Variants in PLEKHA7 observed in about 807,000 individuals in gnomAD.
The protein encoded by PLEKHA7 is pleckstrin homology domain-containing family A member 7.
A neutral mutation model predicts 170.0 loss-of-function variants in PLEKHA7; 104 were observed. The ratio of observed to expected loss-of-function variants is 0.61; its 90% confidence interval spans 0.52 to 0.72. The LOEUF is 0.72. Ranked by LOEUF, PLEKHA7 falls within the 30% of genes least tolerant of loss-of-function variation. The pLI is 0.00. For synonymous variants in PLEKHA7, 648 were observed against 660.8 expected, an observed-to-expected ratio of 0.98 and a Z score of 0.30; for missense variants, 1,615 against 1,671.7, an observed-to-expected ratio of 0.97 and a Z score of 0.59.
intron 3 of PLEKHA7, among the ~76,000 whole-genome samples, chr11:16,991,729 G>A (rs1864055513): frequency 6.6e-6 from 1 of 152,186 alleles, no homozygotes; most frequent in Non-Finnish European, 1.5e-5. Flanking sequence ...AGTCCACTTT[G>A]TATGTGAGAT....
At chr11:16,985,155 T>G (rs1863650311) in intron 3 of PLEKHA7, among the ~76,000 whole-genome samples, 1 of 152,208 alleles carries the variant, frequency 6.6e-6, no homozygotes, top group South Asian at 2.1e-4. Context: ...TCTGCCTCAT[T>G]CATCTAAGAA....
chr11:16,832,933 C>T lies in PLEKHA7; in HGVS notation c.873-6343G>A, dbSNP rs191539167. Among the ~76,000 whole-genome samples the T allele has an allele frequency of 3.3e-5, 5 of 152,202 alleles. No individual in the cohort carries two copies. In the East Asian group the frequency reaches 9.7e-4, roughly 29 times the overall value. On this transcript the variant is annotated intron_variant, in intron 9 of 26. Coordinates refer to ENST00000531066, the MANE Select transcript of PLEKHA7 (RefSeq NM_001329630.2). Reference sequence around the variant, plus strand: ...CTCAGGAATAGGGTGGGCTCAAAAGCCAGAACCCACTCTGGGCATAATCAA... The same window carrying T: ...CTCAGGAATAGGGTGGGCTCAAAAGTCAGAACCCACTCTGGGCATAATCAA...
chr11:16,956,952 G>T (rs1302218988), intron 3 of PLEKHA7, among the ~76,000 whole-genome samples: 1 of 152,182 alleles, frequency 6.6e-6, no homozygotes, highest in Admixed American at 6.5e-5. Flanking sequence ...CAAGGAAAGT[G>T]GTAGGTTTAA....
In PLEKHA7 at chr11:16,852,360, A is replaced by T; in HGVS notation, c.523-5T>A. 6.2e-7 allele frequency: 1 copy of T among 1,613,674 alleles called. No homozygotes were observed. The highest frequency in any genetic ancestry group is 8.5e-7 in the Non-Finnish European group (1 of 1,179,808). ...CAGCCTCATCCCAGAACTGTCCTGC[A>T]AAGCAAAGAAAACTAGTCAGGGTAA... On this transcript the variant is annotated splice_region_variant and splice_polypyrimidine_tract_variant and intron_variant, in intron 6 of 26. Transcript: ENST00000531066.
intron 19 of PLEKHA7, among the ~76,000 whole-genome samples, chr11:16,793,446 A>C (rs1229992237): frequency 1.3e-5 from 2 of 152,184 alleles, no homozygotes; most frequent in African/African-American, 4.8e-5. Flanking sequence ...TGGGCCCTGG[A>C]CTATGGCTGG....
chr11:16,889,420 A>AAAATAT (rs61086849), intron 3 of PLEKHA7, among the ~76,000 whole-genome samples: 6 of 74,660 alleles, frequency 8.0e-5, no homozygotes, highest in Non-Finnish European at 1.2e-4. Flanking sequence ...AAAAAAAAAA[A>AAAATAT]ATATATATAT....
At chr11:16,993,404 G>A (rs1220831905) in intron 3 of PLEKHA7, among the ~76,000 whole-genome samples, 1 of 152,068 alleles carries the variant, frequency 6.6e-6, no homozygotes, top group Non-Finnish European at 1.5e-5. Context: ...ATGTCCTCTG[G>A]CTCTACTCAA....
At chr11:16,781,713 A>G (rs1021650526) in intron 26 of PLEKHA7, among the ~76,000 whole-genome samples, 47 of 152,170 alleles carry the variant, frequency 3.1e-4, no homozygotes, top group African/African-American at 1.1e-3. Context: ...CCTTGTTGCC[A>G]GTCACTCTCA....
chr11:16,829,466 T>G (rs1210913482), intron 9 of PLEKHA7, among the ~76,000 whole-genome samples: 1 of 151,954 alleles, frequency 6.6e-6, no homozygotes, highest in Non-Finnish European at 1.5e-5. Context: ...TAAATTCCAG[T>G]AGGAGGAAAA....
At chr11:17,008,115 C>T (rs2137108737) in intron 3 of PLEKHA7, among the ~76,000 whole-genome samples, 1 of 152,102 alleles carries the variant, frequency 6.6e-6, no homozygotes, top group East Asian at 1.9e-4. Context: ...ATGTCTTTCC[C>T]AGAGTCTAGC....
At chr11:16,899,421 T>C (rs539418119) in intron 3 of PLEKHA7, among the ~76,000 whole-genome samples, 204 of 152,300 alleles carry the variant, frequency 1.3e-3, no homozygotes, top group Non-Finnish European at 2.4e-3. Context: ...CGCTTGAACC[T>C]GGGAGGCGGA....
intron 21 of PLEKHA7, chr11:16,790,147 C>A: frequency 2.1e-6 from 1 of 467,836 alleles, no homozygotes; most frequent in Non-Finnish European, 3.9e-6. Context: ...GATGACTGGG[C>A]TGCCTGGCAG....
intron 3 of PLEKHA7, among the ~76,000 whole-genome samples, chr11:16,958,487 C>T (rs1861844946): frequency 6.6e-6 from 1 of 152,120 alleles, no homozygotes; most frequent in Admixed American, 6.6e-5. Context: ...AAAGGAAAGA[C>T]TGGCAGCGTA....
At chr11:17,007,734 C>A (rs141196249) in intron 3 of PLEKHA7, among the ~76,000 whole-genome samples, 1 of 151,956 alleles carries the variant, frequency 6.6e-6, no homozygotes, top group Non-Finnish European at 1.5e-5. Flanking sequence ...CCATCACACC[C>A]GGCTAAGTTT....
intron 5 of PLEKHA7, among the ~76,000 whole-genome samples, chr11:16,855,459 G>C (rs1361333655): frequency 6.6e-6 from 1 of 152,162 alleles, no homozygotes; most frequent in African/African-American, 2.4e-5. Context: ...TCCTTCCCAA[G>C]GGCACCCTTT....
At chr11:16,923,949 G>A (rs979756417) in intron 3 of PLEKHA7, among the ~76,000 whole-genome samples, 1 of 152,068 alleles carries the variant, frequency 6.6e-6, no homozygotes, top group African/African-American at 2.4e-5. Context: ...ATGCTACCAG[G>A]AAGGCTGAGT....
At chr11:16,970,830 A>C (rs1862665154) in intron 3 of PLEKHA7, among the ~76,000 whole-genome samples, 1 of 152,244 alleles carries the variant, frequency 6.6e-6, no homozygotes, top group African/African-American at 2.4e-5. Context: ...ATTTGCAATG[A>C]GAAAAGACAG....
intron 8 of PLEKHA7, among the ~76,000 whole-genome samples, chr11:16,850,945 T>C (rs1308087606): frequency 1.3e-5 from 2 of 152,170 alleles, no homozygotes; most frequent in African/African-American, 4.8e-5. Flanking sequence ...ACCACAAGAC[T>C]GGCAGTGACA....
chr11:16,802,478 A>T (rs990714631), intron 15 of PLEKHA7, among the ~76,000 whole-genome samples: 2 of 152,200 alleles, frequency 1.3e-5, no homozygotes, highest in Non-Finnish European at 2.9e-5. Flanking sequence ...AGGTAAGCCA[A>T]AGCAGAATGG....
Sources: gnomAD v4.1 joint callset for allele counts (sites outside exome capture counted in the v4.1 genomes callset) on GRCh38, gnomAD v4.1.1 for gene constraint, MANE v1.5 for transcripts, NCBI Gene and HGNC (gene_info 2026-07-23, HGNC 2026-07-21) for gene names.